ZDHHC11: variants seen among roughly 807,000 people sequenced by gnomAD.
The protein encoded by ZDHHC11 is zDHHC palmitoyltransferase 11.
ZDHHC11 carries 44 observed loss-of-function variants against 51.3 expected under a neutral mutation model. The observed-to-expected ratio is 0.86, with a 90% CI of 0.67 to 1.10. The LOEUF (loss-of-function observed/expected upper bound fraction) is 1.10. ZDHHC11 is among the 50% of genes least tolerant of loss of function. ZDHHC11 has a pLI of 0.00. For synonymous variants in ZDHHC11, 163 were observed against 222.0 expected (o/e 0.73, Z 2.36); for missense variants, 400 against 537.7 (o/e 0.74, Z 2.53).
Position 814,009 on chromosome 5 carries a change from G to A in ZDHHC11, c.1181+752C>T, listed in dbSNP as rs567017352. Among the ~76,000 whole-genome samples, 45 of 150,332 alleles carry A rather than the reference G, an allele frequency of 3.0e-4. 1 individual carries two copies. Among genetic ancestry groups the A allele is most frequent in the Admixed American group, 8.0e-4 (12 of 15,050 alleles). On this transcript the variant is annotated intron_variant, in intron 11 of 12. Coordinates refer to ENST00000283441, the MANE Select transcript of ZDHHC11 (RefSeq NM_024786.3). ...TGAAACTTTAGTAGAGTGTAGGAGC[G>A]CAATATCTAAACCCTAAAACTCTGG...
intron 12 of ZDHHC11, 123 bp downstream of exon 12, chr5:800,977 G>A (rs1738328728): frequency 3.5e-6 from 4 of 1,154,786 alleles, no homozygotes; most frequent in African/African-American, 3.0e-5. Flanking sequence ...GACATCAAGA[G>A]ACAAACGACA....
Position 843,104 on chromosome 5 carries a change from C to T in ZDHHC11, c.628+496G>A, listed in dbSNP as rs1745316392. ...CCTCACCGCCACGTCTCTCCAGTGGCTCAGTGTGAGCATCGGTTCCCGAGG... is the reference window on the plus strand; with the variant it reads ...CCTCACCGCCACGTCTCTCCAGTGGTTCAGTGTGAGCATCGGTTCCCGAGG... On this transcript the variant is annotated intron_variant, in intron 4 of 12. Transcript: ENST00000283441. Among the ~76,000 whole-genome samples the T allele has an allele frequency of 2.0e-5, 3 of 152,284 alleles. No individual in the cohort carries two copies. In the South Asian group the frequency reaches 6.2e-4, roughly 32 times the overall value.
rs1357509939 is a variant in ZDHHC11, at chr5:836,819, C to T, written c.900+546G>A. On this transcript the variant is annotated intron_variant, in intron 6 of 12. Coordinates refer to ENST00000283441, the MANE Select transcript of ZDHHC11 (RefSeq NM_024786.3). The stretch of plus-strand genomic sequence containing the variant: ...CTCATGCTTGTAATCCCAGCACTTT[C>T]GGAGGCCAAGGCGGGCGGATCACCT... 1.3e-4 allele frequency among the ~76,000 whole-genome samples: 20 copies of T among 150,100 alleles called. 1 individual carries two copies. Among genetic ancestry groups the T allele is most frequent in the Admixed American group, 4.0e-4 (6 of 15,134 alleles).
rs1409594984 is a variant in ZDHHC11, at chr5:808,560, T to C, written c.1181+6201A>G. On this transcript the variant is annotated intron_variant, in intron 11 of 12. Transcript: ENST00000283441. ...TTATTTATTTATTTATTTTGAGACG[T>C]AGTCTCACTCTGTCACCCAGGCTGG... 3.3e-5 allele frequency among the ~76,000 whole-genome samples: 5 copies of C among 150,220 alleles called. No individual in the cohort carries two copies. The South Asian group carries it at 1.1e-3, about 32-fold the overall frequency.
intron 10 of ZDHHC11, chr5:816,651 T>C: frequency 1.6e-6 from 1 of 625,954 alleles, no homozygotes; most frequent in Non-Finnish European, 3.1e-6. Flanking sequence ...TGGGATTATA[T>C]GCATCCCTTT....
At chr5:859,544 A>C (rs911722587), upstream of ZDHHC11, among the ~76,000 whole-genome samples, 1 of 152,112 alleles carries the variant, frequency 6.6e-6, no homozygotes, top group African/African-American at 2.4e-5. Flanking sequence ...GAACCGGGGG[A>C]GGGACCTGCG....
intron 11 of ZDHHC11, among the ~76,000 whole-genome samples, chr5:814,131 A>T (rs1187283113): frequency 7.0e-6 from 1 of 142,494 alleles, no homozygotes; most frequent in Non-Finnish European, 1.5e-5. Flanking sequence ...TAAATAATTT[A>T]CTCAGCATCA....
At chr5:823,840 C>T (rs1384495088) in intron 8 of ZDHHC11, 13 of 347,358 alleles carry the variant, frequency 3.7e-5, no homozygotes, top group Non-Finnish European at 7.5e-5. Flanking sequence ...TGGACAAACA[C>T]AGGCAGAGAA....
intron 11 of ZDHHC11, among the ~76,000 whole-genome samples, chr5:802,396 C>G (rs1363256331): frequency 6.6e-6 from 1 of 151,170 alleles, no homozygotes; most frequent in Non-Finnish European, 1.5e-5. Flanking sequence ...ATATTAATTT[C>G]AAATGAAAAC....
intron 3 of ZDHHC11, among the ~76,000 whole-genome samples, chr5:846,888 AAACACCTCTCATCCTTGC>A (rs1219739560): frequency 1.7e-4 from 25 of 146,438 alleles, no homozygotes; most frequent in African/African-American, 4.7e-4. Flanking sequence ...TCCTCAGTGG[AAACACCTCTCATCCTTGC>A]GCCTCCACCG....
At chr5:822,041 A>C in intron 8 of ZDHHC11, 146 bp from the exon 9 acceptor site, 3 of 671,336 alleles carry the variant, frequency 4.5e-6, no homozygotes, top group Non-Finnish European at 7.6e-6. Context: ...ATAGGATCTC[A>C]GTGGTGACAC....
chr5:798,117 G>A (rs1449723783), intron 12 of ZDHHC11, among the ~76,000 whole-genome samples: 1 of 148,828 alleles, frequency 6.7e-6, no homozygotes, highest in African/African-American at 2.5e-5. Context: ...GTTTGCCACT[G>A]CAATGAGGGT....
chr5:841,945 C>A (rs1409407836), intron 4 of ZDHHC11: 5 of 989,602 alleles, frequency 5.1e-6, no homozygotes, highest in Non-Finnish European at 6.0e-6. Context: ...CACACTCAGC[C>A]TGACAGGACC....
intron 1 of ZDHHC11, 42 bp downstream of exon 1, chr5:850,339 G>C (rs777501734): frequency 1.9e-6 from 3 of 1,594,622 alleles, no homozygotes; most frequent in Non-Finnish European, 2.6e-6. Context: ...AGTTCCTCCA[G>C]GAACCCCTCC....
intron 7 of ZDHHC11, among the ~76,000 whole-genome samples, chr5:828,245 T>G (rs1346560881): frequency 6.6e-6 from 1 of 151,470 alleles, no homozygotes; most frequent in East Asian, 1.9e-4. Flanking sequence ...CTCAGTGAGC[T>G]GTTGGGTACA....
chr5:836,587 T>C (rs1227672441), intron 6 of ZDHHC11, among the ~76,000 whole-genome samples: 2 of 149,720 alleles, frequency 1.3e-5, no homozygotes. Context: ...CTTTAAATCT[T>C]TGCTGGAATT....
intron 1 of ZDHHC11, chr5:849,744 AAGCTGGGCTCCCCGTGCCTGGG>A (rs1436402277): frequency 1.3e-5 from 2 of 152,362 alleles, no homozygotes; most frequent in African/African-American, 4.8e-5. Context: ...GAGCCAGGAG[AAGCTGGGCTCCCCGTGCCTGGG>A]ACGTCAGCTC....
chr5:815,147 T>C (rs1391038119), intron 10 of ZDHHC11, among the ~76,000 whole-genome samples: 24 of 151,190 alleles, frequency 1.6e-4, no homozygotes, highest in African/African-American at 5.8e-4. Flanking sequence ...GAAGGGGAGA[T>C]TATGACAGAG....
intron 9 of ZDHHC11, among the ~76,000 whole-genome samples, chr5:819,964 A>G (rs564859148): frequency 4.8e-4 from 72 of 151,526 alleles, no homozygotes; most frequent in Middle Eastern, 3.4e-3. Flanking sequence ...GTAATTTTAT[A>G]AAACAGCACA....
Sources: gnomAD v4.1 joint callset for allele counts (sites outside exome capture counted in the v4.1 genomes callset) on GRCh38, gnomAD v4.1.1 for gene constraint, MANE v1.5 for transcripts, NCBI Gene and HGNC (gene_info 2026-07-23, HGNC 2026-07-21) for gene names.